The following CFAP47 variants were observed in gnomAD, a reference collection of about 807,000 sequenced individuals.
CFAP47 encodes cilia and flagella associated protein 47, also known as cilia- and flagella-associated protein 47.
Under a neutral mutation model 148.1 loss-of-function variants are expected in CFAP47, and 29 were observed. The ratio of observed to expected loss-of-function variants is 0.20; its 90% CI spans 0.15 to 0.27. The LOEUF (loss-of-function observed/expected upper bound fraction) is 0.27. CFAP47 is among the 10% of genes least tolerant of loss of function. The pLI, the probability that CFAP47 is intolerant of heterozygous loss-of-function variation, is 1.00. For synonymous variants in CFAP47, 664 were observed against 577.3 expected (o/e 1.15, Z -2.15); for missense variants, 1,872 against 1,697.5 (o/e 1.10, Z -1.81).
chrX:36,077,343 TG>T (rs1331679195), intron 29 of CFAP47, among the ~76,000 whole-genome samples: 1 of 107,087 alleles, frequency 9.3e-6, no homozygotes, highest in Non-Finnish European at 1.9e-5. Flanking sequence ...GCAGTGAATC[TG>T]TAGATTGCTT....
chrX:36,095,544 G>T (rs1938260713), intron 30 of CFAP47, among the ~76,000 whole-genome samples: 1 of 111,010 alleles, frequency 9.0e-6, no homozygotes, highest in Non-Finnish European at 1.9e-5. Context: ...TCTTTCTTAT[G>T]GTTGTGGTCT....
chrX:36,085,614 T>A (rs1390733401), intron 30 of CFAP47, 76 bp downstream of exon 30: 21 of 524,088 alleles, frequency 4.0e-5, no homozygotes, highest in Non-Finnish European at 6.5e-5. Context: ...ATAGATAGAC[T>A]TTGATATTAT....
intron 2 of CFAP47, among the ~76,000 whole-genome samples, chrX:35,939,123 G>T (rs6632411): frequency 0.29 from 31,678 of 109,709 alleles, 5,300 homozygotes; most frequent in African/African-American, 0.63. Context: ...CAAATATACC[G>T]AATGAGATAG....
At chrX:35,921,981 A>G (rs1359189152) in intron 1 of CFAP47, among the ~76,000 whole-genome samples, 2 of 111,688 alleles carry the variant, frequency 1.8e-5, no homozygotes, top group African/African-American at 6.5e-5. Context: ...ATAAGAAGAC[A>G]CATACTTTAT....
chrX:35,973,538 G>A (rs1242397042), intron 13 of CFAP47, among the ~76,000 whole-genome samples: 3 of 111,719 alleles, frequency 2.7e-5, no homozygotes, highest in African/African-American at 9.8e-5. Context: ...TATAGAAAAT[G>A]TTCTGTGTAT....
At chrX:35,929,547 A>C (rs761637556) in intron 2 of CFAP47, among the ~76,000 whole-genome samples, 1 of 111,542 alleles carries the variant, frequency 9.0e-6, no homozygotes, top group African/African-American at 3.3e-5. Flanking sequence ...AGGTTTTTGT[A>C]TGTTTTTTTA....
chrX:36,366,841 A>G (rs1556020360), intron 61 of CFAP47, 125 bp from the exon 62 acceptor site: 6 of 336,041 alleles, frequency 1.8e-5, no homozygotes, highest in Non-Finnish European at 2.5e-5. Context: ...TAAGAATTAA[A>G]TGTCCTAGTG....
At chrX:36,071,423 T>G (rs894170675) in intron 27 of CFAP47, among the ~76,000 whole-genome samples, 2 of 112,365 alleles carry the variant, frequency 1.8e-5, no homozygotes, top group Admixed American at 9.5e-5. Context: ...TAGGAAGATA[T>G]TAGTTTTTCT....
intron 22 of CFAP47, among the ~76,000 whole-genome samples, chrX:36,027,322 C>T (rs1033658061): frequency 9.2e-6 from 1 of 108,872 alleles, no homozygotes; most frequent in Admixed American, 1.0e-4. Flanking sequence ...GGTAAGTTTT[C>T]AACCCTCGCC....
chrX:36,145,887 A>C (rs1167697134), intron 36 of CFAP47, among the ~76,000 whole-genome samples: 1 of 110,428 alleles, frequency 9.1e-6, no homozygotes, highest in Non-Finnish European at 1.9e-5. Flanking sequence ...AGAAAAAAAA[A>C]AACAAAACCC....
chrX:35,992,627 T>A (rs911290022), intron 17 of CFAP47, among the ~76,000 whole-genome samples: 6 of 111,554 alleles, frequency 5.4e-5, no homozygotes, highest in African/African-American at 2.0e-4. Context: ...TGGCCATTTT[T>A]CCTTTAAATT....
intron 15 of CFAP47, among the ~76,000 whole-genome samples, chrX:35,983,654 T>C (rs140328053): frequency 0.013 from 1,405 of 112,046 alleles, 7 homozygotes; most frequent in Admixed American, 0.025. Flanking sequence ...CCTAGTTTAT[T>C]GAGGGCTTTT....
intron 45 of CFAP47, among the ~76,000 whole-genome samples, chrX:36,217,837 A>G (rs1242866313): frequency 8.9e-6 from 1 of 112,241 alleles, no homozygotes; most frequent in African/African-American, 3.2e-5. Context: ...TTTATTTTCA[A>G]TTTGATAAAT....
At chrX:36,100,829 C>A (rs1044182029) in intron 32 of CFAP47, among the ~76,000 whole-genome samples, 1 of 111,742 alleles carries the variant, frequency 8.9e-6, no homozygotes, top group African/African-American at 3.3e-5. Flanking sequence ...GTGTCACAGG[C>A]GCACATTCTT....
intron 62 of CFAP47, among the ~76,000 whole-genome samples, chrX:36,378,821 G>A (rs782495188): frequency 9.2e-6 from 1 of 109,060 alleles, no homozygotes; most frequent in African/African-American, 3.3e-5. Flanking sequence ...AATTACAGAC[G>A]TGAGCCACTG....
At chrX:36,197,679 G>A (rs1242312480) in intron 42 of CFAP47, among the ~76,000 whole-genome samples, 1 of 111,850 alleles carries the variant, frequency 8.9e-6, no homozygotes, top group Admixed American at 9.5e-5. Context: ...GTACGTGGCT[G>A]CTTAAGAAAA....
Position 36,250,635 on chromosome X carries a change from A to ATG in CFAP47, c.7333-696_7333-695dup, listed in dbSNP as rs201354543. On this transcript the variant is annotated intron_variant, in intron 48 of 63. Coordinates refer to ENST00000378653, the MANE Select transcript of CFAP47 (RefSeq NM_001304548.2). ...ATTAGTTTGATTTAGCCATTTCACAATGTATATATATATATATATCAAAAC... is the reference window on the plus strand; with the variant it reads ...ATTAGTTTGATTTAGCCATTTCACAATGTGTATATATATATATATATCAAAAC... Among the ~76,000 whole-genome samples, 612 of 110,021 alleles carry ATG rather than the reference A, an allele frequency of 5.6e-3. 4 individuals carry two copies. The highest frequency in any genetic ancestry group is 0.018 in the African/African-American group (556 of 30,170).
chrX:36,010,312 A>G (rs757192230), intron 21 of CFAP47, among the ~76,000 whole-genome samples: 17 of 110,985 alleles, frequency 1.5e-4, no homozygotes, highest in Non-Finnish European at 2.6e-4. Context: ...TTCAAAATTG[A>G]GATTTGGATC....
intron 27 of CFAP47, among the ~76,000 whole-genome samples, chrX:36,069,440 A>AAAT (rs916580642): frequency 5.4e-5 from 6 of 111,770 alleles, no homozygotes; most frequent in African/African-American, 1.9e-4. Context: ...ATAAATAAAT[A>AAAT]AAACCTTGTT....
Sources: allele counts gnomAD v4.1 joint callset (sites outside exome capture counted in the v4.1 genomes callset), GRCh38; gene constraint gnomAD v4.1.1; transcripts MANE v1.5; gene names NCBI Gene and HGNC (gene_info 2026-07-23, HGNC 2026-07-21).